The following ALPL variants were observed in gnomAD, a reference collection of about 807,000 sequenced individuals.
The protein encoded by ALPL is alkaline phosphatase, tissue-nonspecific isozyme.
In ALPL, 42 loss-of-function variants were observed where a neutral mutation model predicts 51.3. The ratio of observed to expected loss-of-function variants is 0.82; its 90% CI spans 0.64 to 1.06. The LOEUF is 1.06. ALPL is among the 50% of genes least tolerant of loss of function. The probability of loss-of-function intolerance (pLI) is 0.00; values close to 1 mark genes in which losing one functional copy is unlikely to be tolerated. For synonymous variants in ALPL, 279 were observed against 296.4 expected, an observed-to-expected ratio of 0.94 and a Z score of 0.60; for missense variants, 589 against 709.4, an observed-to-expected ratio of 0.83 and a Z score of 1.93.
intron 2 of ALPL, among the ~76,000 whole-genome samples, chr1:21,559,225 T>G (rs2148148300): frequency 6.6e-6 from 1 of 152,260 alleles, no homozygotes; most frequent in African/African-American, 2.4e-5. Context: ...CTAGGGAGCC[T>G]CCTCTCTAGG....
Position 21,554,107 on chromosome 1 carries a change from C to T in ALPL, c.26C>T (p.Ala9Val), listed in dbSNP as rs772679576. 3.3e-5 allele frequency: 52 copies of T among 1,592,572 alleles called. No homozygotes were observed. Among genetic ancestry groups the T allele is most frequent in the Non-Finnish European group, 4.2e-5 (49 of 1,167,680 alleles). The part of the protein sequence containing the change: MISPFLVL[A>V]IGTCLTNSLV... ...ATGATTTCACCATTCTTAGTACTGGCCATTGGCACCTGCCTTACTAACTCC... is the reference window on the plus strand; with the variant it reads ...ATGATTTCACCATTCTTAGTACTGGTCATTGGCACCTGCCTTACTAACTCC... The change falls in exon 2 of 12, where the codon GCC becomes GTC. Residue 9 changes from alanine (A) to valine (V), a missense_variant. Physicochemically the swap from Ala to Val is moderately conservative, Grantham distance 64. Transcript: ENST00000374840.
rs997609907 is a variant in ALPL at position 21,564,435 on chromosome 1, C to G, written c.648+219C>G. Among the ~76,000 whole-genome samples the G allele has an allele frequency of 6.6e-6, 1 of 152,302 alleles. No homozygotes were observed. The highest frequency in any genetic ancestry group is 2.4e-5 in the African/African-American group (1 of 41,564). On this transcript the variant is annotated intron_variant, in intron 6 of 11. Transcript: ENST00000374840. This position sits in a 1 kb window ranked among gnomAD's most constrained non-coding sequence, Gnocchi z 5.8. ...GGGTGAACCCTCATGTGACCGCCACCACACCCCAAGAACCAGGCATCCAGG... is the reference window on the plus strand; with the variant it reads ...GGGTGAACCCTCATGTGACCGCCACGACACCCCAAGAACCAGGCATCCAGG...
chr1:21,518,382 A>G (rs72874261), intron 1 of ALPL, among the ~76,000 whole-genome samples: 18,881 of 152,142 alleles, frequency 0.12, 1,318 homozygotes, highest in African/African-American at 0.16. Flanking sequence ...TTTAATCCTT[A>G]TACCAGCCCA....
At chr1:21,544,962 C>T (rs1431886270) in intron 1 of ALPL, among the ~76,000 whole-genome samples, 1 of 151,808 alleles carries the variant, frequency 6.6e-6, no homozygotes, top group African/African-American at 2.4e-5. Flanking sequence ...ACCCTCTAAC[C>T]CTTAAAAAAA....
chr1:21,527,491 G>A (rs1281592552), intron 1 of ALPL, among the ~76,000 whole-genome samples: 1 of 151,708 alleles, frequency 6.6e-6, no homozygotes, highest in Non-Finnish European at 1.5e-5. Flanking sequence ...AGGGGGCGAG[G>A]GGCTGTCTTT....
At chr1:21,546,431 G>A (rs771820522) in intron 1 of ALPL, among the ~76,000 whole-genome samples, 3 of 152,182 alleles carry the variant, frequency 2.0e-5, no homozygotes, top group African/African-American at 7.2e-5. Flanking sequence ...GCACAGCTGT[G>A]CATATCCAAG....
intron 7 of ALPL, among the ~76,000 whole-genome samples, chr1:21,569,878 C>T (rs1282847523): frequency 6.6e-6 from 1 of 152,182 alleles, no homozygotes; most frequent in Non-Finnish European, 1.5e-5. Flanking sequence ...CTCCCTGGCC[C>T]TCCACGGCCT....
At chr1:21,509,120 C>T (rs1343819721), upstream of ALPL, among the ~76,000 whole-genome samples, 1 of 152,036 alleles carries the variant, frequency 6.6e-6, no homozygotes, top group Non-Finnish European at 1.5e-5. The surrounding 1 kb of genome is among the most constrained non-coding windows in gnomAD (Gnocchi z 6.0). Flanking sequence ...AGGTCAGAGC[C>T]CAGGCTCGCT....
chr1:21,523,572 C>T (rs1489425344), intron 1 of ALPL, among the ~76,000 whole-genome samples: 1 of 152,204 alleles, frequency 6.6e-6, no homozygotes. Context: ...CAGGGGCCTC[C>T]CCTATGTCAC....
At chr1:21,511,455 T>C (rs1040335122) in intron 1 of ALPL, among the ~76,000 whole-genome samples, 8 of 152,194 alleles carry the variant, frequency 5.3e-5, no homozygotes, top group African/African-American at 1.9e-4. Flanking sequence ...CTGGTACCTG[T>C]GCTTAAGAAA....
At chr1:21,520,663 G>A (rs894906990) in intron 1 of ALPL, among the ~76,000 whole-genome samples, 28 of 151,922 alleles carry the variant, frequency 1.8e-4, no homozygotes, top group African/African-American at 6.5e-4. Context: ...GGGTTTCACC[G>A]TGTTAGCCAG....
intron 1 of ALPL, among the ~76,000 whole-genome samples, chr1:21,548,568 T>A (rs1644282390): frequency 6.6e-6 from 1 of 152,134 alleles, no homozygotes; most frequent in Admixed American, 6.5e-5. Context: ...ACCGGAAGAA[T>A]AATCATGTGG....
Position 21,515,197 on chromosome 1 carries a change from A to G in ALPL, c.-105+5680A>G, listed in dbSNP as rs6682521. On this transcript the variant is annotated intron_variant, in intron 1 of 11. Coordinates refer to ENST00000374840, the MANE Select transcript of ALPL (RefSeq NM_000478.6). The stretch of plus-strand genomic sequence containing the variant: ...TTTTATGTTCTTTAAAAAAGTTTTT[A>G]GGTGGCTGAAGCAAATTGCTTTTAC... 8.5e-3 allele frequency among the ~76,000 whole-genome samples: 1,301 copies of G among 152,284 alleles called. 15 individuals carry two copies. Among genetic ancestry groups the G allele is most frequent in the African/African-American group, 0.03 (1,235 of 41,564 alleles).
intron 1 of ALPL, among the ~76,000 whole-genome samples, chr1:21,546,154 A>C (rs1006607615): frequency 6.6e-6 from 1 of 152,160 alleles, no homozygotes; most frequent in African/African-American, 2.4e-5. Flanking sequence ...AATAATCCCC[A>C]CCCTGCCAGT....
chr1:21,512,371 C>G (rs1643706414), intron 1 of ALPL, among the ~76,000 whole-genome samples: 1 of 152,210 alleles, frequency 6.6e-6, no homozygotes, highest in Admixed American at 6.5e-5. Flanking sequence ...AAATTATATA[C>G]TTTGCAGGGT....
intron 1 of ALPL, among the ~76,000 whole-genome samples, chr1:21,521,748 T>C (rs1488733091): frequency 2.0e-5 from 3 of 152,190 alleles, no homozygotes; most frequent in Non-Finnish European, 4.4e-5. Context: ...CTCACTCAGG[T>C]ATGAGGTGCC....
chr1:21,537,655 C>T (rs969057037), intron 1 of ALPL, among the ~76,000 whole-genome samples: 1 of 152,174 alleles, frequency 6.6e-6, no homozygotes, highest in Non-Finnish European at 1.5e-5. Context: ...GGCTGAGGCA[C>T]GAGCTCTGCC....
At chr1:21,557,242 T>A (rs1170313390) in intron 2 of ALPL, among the ~76,000 whole-genome samples, 1 of 152,172 alleles carries the variant, frequency 6.6e-6, no homozygotes, top group African/African-American at 2.4e-5. Context: ...GGGGATGAGT[T>A]CCTCCCGCTT....
chr1:21,532,060 A>G (rs1458910464), intron 1 of ALPL, among the ~76,000 whole-genome samples: 1 of 152,178 alleles, frequency 6.6e-6, no homozygotes, highest in Non-Finnish European at 1.5e-5. Context: ...TGTTGGGGCA[A>G]GGAGCGTGTG....
Sources: gnomAD v4.1 joint callset for allele counts (sites outside exome capture counted in the v4.1 genomes callset) on GRCh38, gnomAD v4.1.1 for gene constraint, Gnocchi (gnomAD v3.1) non-coding constraint, MANE v1.5 for transcripts, NCBI Gene and HGNC (gene_info 2026-07-23, HGNC 2026-07-21) for gene names.